Variants in EYA3 observed in about 807,000 individuals in gnomAD.
EYA3 encodes EYA transcriptional coactivator and phosphatase 3.
A neutral mutation model predicts 80.0 loss-of-function variants in EYA3; 39 were observed. The ratio of observed to expected loss-of-function variants is 0.49; its 90% CI spans 0.38 to 0.64. EYA3 has a LOEUF of 0.64. Ranked by LOEUF, EYA3 falls within the 30% of genes least tolerant of loss-of-function variation. The probability of loss-of-function intolerance (pLI) is 0.00; values close to 1 mark genes in which losing one functional copy is unlikely to be tolerated. For synonymous variants in EYA3, 206 were observed against 232.8 expected, an observed-to-expected ratio of 0.88 and a Z score of 1.05; for missense variants, 523 against 676.1, an observed-to-expected ratio of 0.77 and a Z score of 2.51.
intron 1 of EYA3, among the ~76,000 whole-genome samples, chr1:28,059,949 C>T (rs1284319349): frequency 1.3e-5 from 2 of 151,992 alleles, no homozygotes; most frequent in African/African-American, 2.4e-5. Context: ...GAACTCCTGA[C>T]GTCAGGTGAT....
At chr1:28,008,992 C>A (rs1413532704) in intron 10 of EYA3, among the ~76,000 whole-genome samples, 1 of 152,162 alleles carries the variant, frequency 6.6e-6, no homozygotes, top group African/African-American at 2.4e-5. Context: ...TGGGAAATAA[C>A]AAGTGTTGGC....
intron 4 of EYA3, among the ~76,000 whole-genome samples, chr1:28,041,917 T>C (rs1156920201): frequency 6.6e-6 from 1 of 152,238 alleles, no homozygotes; most frequent in African/African-American, 2.4e-5. Context: ...AGGGAACAGG[T>C]CTTTTTCTTG....
chr1:28,065,419 C>T (rs1293690006), intron 1 of EYA3, among the ~76,000 whole-genome samples: 2 of 151,912 alleles, frequency 1.3e-5, no homozygotes, highest in Non-Finnish European at 2.9e-5. Flanking sequence ...ACTACAGATG[C>T]GTGCCACCAC....
chr1:28,048,306 C>T, intron 3 of EYA3, 77 bp downstream of exon 3: 2 of 951,462 alleles, frequency 2.1e-6, no homozygotes, highest in Middle Eastern at 3.1e-4. Context: ...AAAGCATGCC[C>T]ATACGCTAAT....
At chr1:28,063,322 ATT>A (rs199751730) in intron 1 of EYA3, among the ~76,000 whole-genome samples, 1 of 108,316 alleles carries the variant, frequency 9.2e-6, no homozygotes, top group African/African-American at 3.7e-5. Flanking sequence ...TTTATTTTTA[ATT>A]TTTTTTGGGG....
At chr1:27,991,107 C>T (rs1367038961) in intron 14 of EYA3, among the ~76,000 whole-genome samples, 2 of 152,102 alleles carry the variant, frequency 1.3e-5, no homozygotes, top group African/African-American at 4.8e-5. Flanking sequence ...CTTTGAATTG[C>T]ACTGCTTAGA....
intron 7 of EYA3, 98 bp downstream of exon 7, chr1:28,027,691 C>T (rs1409973601): frequency 6.7e-7 from 1 of 1,487,394 alleles, no homozygotes; most frequent in Non-Finnish European, 9.3e-7. Flanking sequence ...GACAGAGCTC[C>T]TGTATTATCC....
At position 27,974,243 on chromosome 1, in the gene EYA3, A is replaced by C; in HGVS notation, c.*223T>G. On this transcript the variant is annotated 3_prime_UTR_variant, in exon 18 of 18. Coordinates refer to ENST00000373871, the MANE Select transcript of EYA3 (RefSeq NM_001990.4). ...TGGTTCTGATTGTGTTCTCGCCAGC[A>C]TTCCATGGATAAAGACAGAGAGAGA... The C allele has an allele frequency of 2.9e-6, 1 of 344,230 alleles. No individual in the cohort carries two copies. 21.3% of individuals were successfully genotyped at this position (344,230 alleles called of 1,614,324 possible).
intron 11 of EYA3, among the ~76,000 whole-genome samples, chr1:28,003,416 C>T (rs1442392051): frequency 6.6e-6 from 1 of 152,094 alleles, no homozygotes; most frequent in Non-Finnish European, 1.5e-5. Flanking sequence ...TTGCAGTGAG[C>T]AGAGATCATG....
At chr1:28,074,642 T>C (rs1035525236) in intron 1 of EYA3, among the ~76,000 whole-genome samples, 6 of 152,086 alleles carry the variant, frequency 3.9e-5, no homozygotes, top group Non-Finnish European at 5.9e-5. Context: ...AAATGGCTGA[T>C]TTAAAGTCTT....
chr1:28,003,472 AAAACAAAC>A (rs111781878), intron 11 of EYA3, among the ~76,000 whole-genome samples: 10 of 152,046 alleles, frequency 6.6e-5, no homozygotes, highest in East Asian at 1.9e-4. Flanking sequence ...TCTCTCTCAA[AAAACAAAC>A]AAACAAACAA....
chr1:28,086,269 A>T (rs1346247242), intron 1 of EYA3, among the ~76,000 whole-genome samples: 1 of 151,620 alleles, frequency 6.6e-6, no homozygotes, highest in Non-Finnish European at 1.5e-5. Flanking sequence ...TGTGGAGCGC[A>T]GTGATGTGAT....
At chr1:28,066,432 T>C (rs1438495176) in intron 1 of EYA3, among the ~76,000 whole-genome samples, 2 of 151,372 alleles carry the variant, frequency 1.3e-5, no homozygotes, top group Non-Finnish European at 2.9e-5. Context: ...CAAAAAAAGA[T>C]CAAATCTATA....
chr1:28,040,857 G>C (rs1005631116), intron 4 of EYA3, among the ~76,000 whole-genome samples: 2 of 145,168 alleles, frequency 1.4e-5, no homozygotes, highest in Admixed American at 6.7e-5. Context: ...GGAGGGGCAG[G>C]GGGGGGTCGG....
chr1:28,000,520 G>T (rs542153170), intron 11 of EYA3, among the ~76,000 whole-genome samples: 2 of 152,064 alleles, frequency 1.3e-5, no homozygotes, highest in South Asian at 4.1e-4. Flanking sequence ...CACTATGTTA[G>T]CCAGGATGGT....
intron 6 of EYA3, among the ~76,000 whole-genome samples, chr1:28,033,976 C>G (rs1643304857): frequency 6.6e-6 from 1 of 151,430 alleles, no homozygotes; most frequent in South Asian, 2.1e-4. Context: ...GGGCAGATCA[C>G]TTGAGGCCAG....
Position 28,048,432 on chromosome 1 carries a change from A to G in EYA3, c.34-6T>C. 6.2e-7 allele frequency: 1 copy of G among 1,610,364 alleles called. No homozygotes were observed. Among genetic ancestry groups the G allele is most frequent in the Non-Finnish European group, 8.5e-7 (1 of 1,177,354 alleles). ...TGCATCTTGGCTTTTTTCACCTGCAAAAATAAATATACAAAGGTATCAATG... is the reference window on the plus strand; with the variant it reads ...TGCATCTTGGCTTTTTTCACCTGCAGAAATAAATATACAAAGGTATCAATG... On this transcript the variant is annotated splice_polypyrimidine_tract_variant and splice_region_variant and intron_variant, in intron 2 of 17. Transcript: ENST00000373871.
intron 16 of EYA3, among the ~76,000 whole-genome samples, chr1:27,981,785 A>G (rs1476074488): frequency 2.0e-5 from 3 of 151,768 alleles, no homozygotes; most frequent in Non-Finnish European, 4.4e-5. Context: ...AAAAAGAAAA[A>G]AATGCCTACC....
At chr1:27,977,863 AAG>A (rs1479620159) in intron 17 of EYA3, among the ~76,000 whole-genome samples, 5 of 150,924 alleles carry the variant, frequency 3.3e-5, no homozygotes, top group South Asian at 4.2e-4. Flanking sequence ...CAGAAAAAAA[AAG>A]AAAAAAGAAA....
Sources: gnomAD v4.1 joint callset for allele counts (sites outside exome capture counted in the v4.1 genomes callset) on GRCh38, gnomAD v4.1.1 for gene constraint, MANE v1.5 for transcripts, NCBI Gene and HGNC (gene_info 2026-07-23, HGNC 2026-07-21) for gene names.